The following KYNU variants were observed in gnomAD, a reference collection of about 807,000 sequenced individuals.
KYNU encodes the protein kynureninase.
A neutral mutation model predicts 59.2 loss-of-function variants in KYNU; 54 were observed. The observed-to-expected ratio is 0.91, with a 90% CI of 0.73 to 1.14. The LOEUF (loss-of-function observed/expected upper bound fraction) is 1.14, where lower values mean the gene tolerates loss of function less well. Ranked by LOEUF, KYNU falls within the 50% of genes most tolerant of loss-of-function variation. The probability of loss-of-function intolerance (pLI) is 0.00; values close to 1 mark genes in which losing one functional copy is unlikely to be tolerated. For synonymous variants in KYNU, 177 were observed against 192.0 expected (o/e 0.92, Z 0.65); for missense variants, 567 against 554.4 (o/e 1.02, Z -0.23).
chr2:142,988,360 C>A (rs1267654335), intron 10 of KYNU, among the ~76,000 whole-genome samples: 1 of 151,834 alleles, frequency 6.6e-6, no homozygotes, highest in Non-Finnish European at 1.5e-5. Context: ...TGGTTTGTGA[C>A]TTTGTAGGAC....
At chr2:143,031,548 AC>A (rs137869493) in intron 11 of KYNU, among the ~76,000 whole-genome samples, 5,495 of 152,070 alleles carry the variant, frequency 0.036, 131 homozygotes, top group Non-Finnish European at 0.051. Flanking sequence ...ACATAGTGAG[AC>A]CTTGTCTCTA....
intron 4 of KYNU, among the ~76,000 whole-genome samples, chr2:142,944,181 A>G (rs1390019090): frequency 6.6e-6 from 1 of 152,170 alleles, no homozygotes; most frequent in Non-Finnish European, 1.5e-5. Context: ...TTTGCACATC[A>G]GTTTCCTCGT....
At chr2:142,894,120 G>C (rs1227684202) in intron 2 of KYNU, among the ~76,000 whole-genome samples, 1 of 152,178 alleles carries the variant, frequency 6.6e-6, no homozygotes, top group African/African-American at 2.4e-5. Flanking sequence ...GAAATACGAA[G>C]TGTCTCTCCC....
intron 10 of KYNU, among the ~76,000 whole-genome samples, chr2:143,010,405 T>C (rs1307599518): frequency 5.1e-4 from 46 of 91,032 alleles, no homozygotes; most frequent in Non-Finnish European, 7.4e-4. Context: ...CTCAAGGAAA[T>C]AAAAGAGGAT....
chr2:142,923,131 A>T (rs1682938232), intron 3 of KYNU, among the ~76,000 whole-genome samples: 1 of 152,224 alleles, frequency 6.6e-6, no homozygotes, highest in South Asian at 2.1e-4. Flanking sequence ...ACATTGGCAG[A>T]TCAAATTTTA....
chr2:142,991,978 A>AT (rs1034389462), intron 10 of KYNU, among the ~76,000 whole-genome samples: 5 of 151,938 alleles, frequency 3.3e-5, no homozygotes, highest in African/African-American at 1.2e-4. Flanking sequence ...CCTGAACATC[A>AT]TTTTCCAAGT....
At chr2:142,991,969 C>T (rs1481588970) in intron 10 of KYNU, among the ~76,000 whole-genome samples, 1 of 151,884 alleles carries the variant, frequency 6.6e-6, no homozygotes, top group African/African-American at 2.4e-5. Context: ...TAGTCCTTAC[C>T]TGAACATCAT....
At chr2:142,962,247 C>T (rs1263916085) in intron 8 of KYNU, among the ~76,000 whole-genome samples, 1 of 152,186 alleles carries the variant, frequency 6.6e-6, no homozygotes, top group Non-Finnish European at 1.5e-5. Flanking sequence ...GTTTCCATCA[C>T]ACAATCTGAG....
chr2:142,960,660 G>T lies in KYNU; in HGVS notation c.619G>T (p.Val207Leu), dbSNP rs1226411007. The change falls in exon 8 of 14, where the codon GTA becomes TTA. Residue 207 changes from valine (V) to leucine (L), a missense_variant. Physicochemically the swap from Val to Leu is conservative, Grantham distance 32. Transcript: ENST00000264170. ...CTTAAGAATAGAGGATATCCTTGAA[G>T]TAATTGAGAAGGAAGGAGACTCAAT... ...ETLRIEDILE[V>L]IEKEGDSIAV... The T allele has an allele frequency of 6.2e-7, 1 of 1,613,774 alleles. No homozygotes were observed. The highest frequency in any genetic ancestry group is 1.7e-5 in the Admixed American group (1 of 60,000).
intron 8 of KYNU, among the ~76,000 whole-genome samples, chr2:142,969,593 T>G (rs1170579965): frequency 6.6e-6 from 1 of 152,216 alleles, no homozygotes; most frequent in African/African-American, 2.4e-5. Flanking sequence ...AAGCTTTTGA[T>G]TAAATAGACC....
chr2:143,020,166 G>T (rs1222932649), intron 10 of KYNU, among the ~76,000 whole-genome samples: 1 of 151,340 alleles, frequency 6.6e-6, no homozygotes, highest in African/African-American at 2.4e-5. Flanking sequence ...TACTAATTTT[G>T]AGTTTGGTTT....
At chr2:142,932,993 G>A (rs533460744) in intron 4 of KYNU, among the ~76,000 whole-genome samples, 1 of 152,110 alleles carries the variant, frequency 6.6e-6, no homozygotes, top group East Asian at 1.9e-4. Context: ...TGATTTGGGG[G>A]GTTTCTATGA....
In KYNU at chr2:143,054,215, G is replaced by C. The variant is rs1687314808; in HGVS notation, c.*12043G>C. The C allele has an allele frequency of 6.6e-6, 1 of 151,816 alleles. No homozygotes were observed. The highest frequency in any genetic ancestry group is 6.6e-5 in the Admixed American group (1 of 15,252). 9.4% of individuals were successfully genotyped at this position (151,816 alleles called of 1,614,324 possible). On this transcript the variant is annotated 3_prime_UTR_variant, in exon 14 of 14. Transcript: ENST00000264170. ...ATTCTACAATATCTCCAATTCTTCA[G>C]TTTATTCCCTCTTACTATGTATAAG...
At chr2:142,952,541 C>G (rs953800220) in intron 4 of KYNU, among the ~76,000 whole-genome samples, 2 of 152,022 alleles carry the variant, frequency 1.3e-5, no homozygotes. Context: ...ACCTCAAGCA[C>G]TCTTCCTGTC....
At chr2:142,988,867 G>A (rs1685306813) in intron 10 of KYNU, 1 of 1,608,432 alleles carries the variant, frequency 6.2e-7, no homozygotes, top group Non-Finnish European at 8.5e-7. Context: ...CTTTAATTAG[G>A]AATGGAATGC....
At chr2:142,912,772 C>T (rs1191650803) in intron 2 of KYNU, among the ~76,000 whole-genome samples, 11 of 143,424 alleles carry the variant, frequency 7.7e-5, no homozygotes, top group South Asian at 2.2e-4. Flanking sequence ...TGCAGTGGCA[C>T]GATCTCGGCT....
intron 4 of KYNU, among the ~76,000 whole-genome samples, chr2:142,932,719 T>C (rs977492784): frequency 2.4e-5 from 3 of 124,462 alleles, no homozygotes; most frequent in African/African-American, 9.2e-5. Context: ...TTTTGGGAGG[T>C]AGTGCCTAGG....
At chr2:142,959,555 C>T (rs1275138174) in intron 7 of KYNU, among the ~76,000 whole-genome samples, 1 of 151,086 alleles carries the variant, frequency 6.6e-6, no homozygotes, top group Non-Finnish European at 1.5e-5. Context: ...CATTGCACTC[C>T]AGCCTGGGCA....
In KYNU at chr2:143,042,194, A is replaced by C. The variant is rs368327307; in HGVS notation, c.*22A>C. ...TTAGCAGTGTTTTCTAGAACAACTTAAGCAAATTATACTGAAAGCTGCTGT... is the reference window on the plus strand; with the variant it reads ...TTAGCAGTGTTTTCTAGAACAACTTCAGCAAATTATACTGAAAGCTGCTGT... On this transcript the variant is annotated 3_prime_UTR_variant, in exon 14 of 14. Transcript: ENST00000264170. 2.2e-5 allele frequency: 36 copies of C among 1,604,326 alleles called. No homozygotes were observed. The African/African-American group carries it at 4.4e-4, about 20-fold the overall frequency.
Sources: allele counts gnomAD v4.1 joint callset (sites outside exome capture counted in the v4.1 genomes callset), GRCh38; gene constraint gnomAD v4.1.1; transcripts MANE v1.5; gene names NCBI Gene and HGNC (gene_info 2026-07-23, HGNC 2026-07-21).